ATXN2: variants seen among roughly 807,000 people sequenced by gnomAD.
ATXN2 encodes the protein ataxin-2.
In ATXN2, 37 loss-of-function variants were observed where a neutral mutation model predicts 138.6. The observed-to-expected ratio is 0.27, with a 90% CI of 0.21 to 0.35. ATXN2 has a LOEUF of 0.35. ATXN2 is among the 10% of genes least tolerant of loss of function. The pLI is 1.00. For missense variants in ATXN2, 1,216 were observed against 1,480.3 expected (o/e 0.82, Z 2.93); for synonymous variants, 549 against 543.7 (o/e 1.01, Z -0.13).
intron 5 of ATXN2, among the ~76,000 whole-genome samples, chr12:111,530,400 G>A (rs2135753809): frequency 6.6e-6 from 1 of 152,306 alleles, no homozygotes; most frequent in East Asian, 1.9e-4. Context: ...AAAAGGCTCT[G>A]GGCTTTCTAA....
intron 1 of ATXN2, among the ~76,000 whole-genome samples, chr12:111,567,304 A>C (rs1364866403): frequency 6.6e-6 from 1 of 151,860 alleles, no homozygotes; most frequent in Non-Finnish European, 1.5e-5. Context: ...GTTCAAGACC[A>C]GCCTCACCAA....
At chr12:111,507,164 A>C (rs1592843894) in intron 14 of ATXN2, among the ~76,000 whole-genome samples, 5 of 117,518 alleles carry the variant, frequency 4.3e-5, no homozygotes, top group South Asian at 3.0e-4. Flanking sequence ...CCGGCTGCCC[A>C]GTCTGGGAAG....
chr12:111,507,682 G>A (rs1003205605), intron 14 of ATXN2, among the ~76,000 whole-genome samples: 6 of 152,248 alleles, frequency 3.9e-5, no homozygotes, highest in Non-Finnish European at 8.8e-5. Context: ...TATTGAGAAC[G>A]GGCCATGATG....
chr12:111,452,682 G>A lies in ATXN2; in HGVS notation c.*130C>T. 2 of 1,066,062 alleles carry A rather than the reference G, an allele frequency of 1.9e-6. No homozygotes were observed. The highest frequency in any genetic ancestry group is 2.7e-5 in the South Asian group (2 of 75,268). The allele number at this position is 1,066,062 out of a possible 1,614,324, so 66.0% of individuals were successfully genotyped here. A position where few individuals can be genotyped will look rare whatever the true frequency, so the allele number is the denominator to read the frequency against. ...AAGTGAACTGTTAGCATTCCTATTGGATGTTACAAGAAATCAACATATATA... is the reference window on the plus strand; with the variant it reads ...AAGTGAACTGTTAGCATTCCTATTGAATGTTACAAGAAATCAACATATATA... On this transcript the variant is annotated 3_prime_UTR_variant, in exon 25 of 25. Coordinates refer to ENST00000673436, the MANE Select transcript of ATXN2 (RefSeq NM_001372574.1).
chr12:111,598,978 T>TGCTGCTGCTGC lies in ATXN2; in HGVS notation c.56_57insGCAGCAGCAGC (p.Gln23HisfsTer27), dbSNP rs757873033. 42 of 1,292,990 alleles carry TGCTGCTGCTGC rather than the reference T, an allele frequency of 3.2e-5. No individual in the cohort carries two copies. In the African/African-American group the frequency reaches 5.3e-4, roughly 16 times the overall value. The allele number at this position is 1,292,990 out of a possible 1,614,324, so 80.1% of individuals were successfully genotyped here. A position where few individuals can be genotyped will look rare whatever the true frequency, so the allele number is the denominator to read the frequency against. ...GCTGCTGCTGCTGCTGCTGCTGCTG[T>TGCTGCTGCTGC]TGCTGCTGCTGCTGCTGCTGCTGCT... On this transcript the variant is annotated frameshift_variant, in exon 1 of 25. Coordinates refer to ENST00000673436, the MANE Select transcript of ATXN2 (RefSeq NM_001372574.1). LOFTEE classifies it high-confidence loss of function. The surrounding 1 kb of genome is among the most constrained non-coding windows in gnomAD (Gnocchi z 4.5).
chr12:111,595,186 G>A (rs943012413), intron 1 of ATXN2, among the ~76,000 whole-genome samples: 1 of 152,058 alleles, frequency 6.6e-6, no homozygotes, highest in African/African-American at 2.4e-5. Context: ...GCTAGCAAGA[G>A]CCATAAAAAT....
chr12:111,485,801 C>A lies in ATXN2; in HGVS notation c.2369G>T (p.Gly790Val). 1 of 1,614,092 alleles carries A rather than the reference C, an allele frequency of 6.2e-7. No homozygotes were observed. Among genetic ancestry groups the A allele is most frequent in the Non-Finnish European group, 8.5e-7 (1 of 1,180,010 alleles). The part of the protein sequence containing the change: ...PQAQPSPSMV[G>V]HQQPTPVYTQ... ...ATAAACTGGAGTTGGCTGTTGATGA[C>A]CCACCATAGATGGGCTAGGTTGTGC... The change falls in exon 17 of 25, where the codon GGT becomes GTT. Residue 790 changes from glycine (G) to valine (V), a missense_variant. Physicochemically the swap from Gly to Val is moderately radical, Grantham distance 109 (BLOSUM62 -3). Transcript: ENST00000673436.
At chr12:111,503,880 G>A (rs967813257) in intron 14 of ATXN2, among the ~76,000 whole-genome samples, 4 of 152,046 alleles carry the variant, frequency 2.6e-5, no homozygotes, top group Non-Finnish European at 5.9e-5. Context: ...ATCAGCCACC[G>A]TGCCCGGCCC....
At chr12:111,576,829 G>A (rs1385392571) in intron 1 of ATXN2, among the ~76,000 whole-genome samples, 2 of 151,534 alleles carry the variant, frequency 1.3e-5, no homozygotes, top group Non-Finnish European at 2.9e-5. Context: ...ATGGTGGCGG[G>A]CTCCTGTAGT....
chr12:111,578,858 T>C (rs1005787586), intron 1 of ATXN2, among the ~76,000 whole-genome samples: 2 of 151,926 alleles, frequency 1.3e-5, no homozygotes, highest in Admixed American at 6.6e-5. Flanking sequence ...CAGGGCAACA[T>C]AGTGAGACCT....
At chr12:111,464,978 A>T (rs1875887143) in intron 20 of ATXN2, among the ~76,000 whole-genome samples, 5 of 152,216 alleles carry the variant, frequency 3.3e-5, no homozygotes, top group Admixed American at 3.3e-4. Context: ...TCTAATAAAA[A>T]CACCAACATG....
intron 1 of ATXN2, chr12:111,564,759 T>C: frequency 6.6e-6 from 1 of 152,228 alleles, no homozygotes; most frequent in Non-Finnish European, 1.5e-5. Flanking sequence ...CCCTGTCTTT[T>C]AAAAACTGAA....
chr12:111,590,059 C>G (rs749210025), intron 1 of ATXN2, among the ~76,000 whole-genome samples: 10 of 148,168 alleles, frequency 6.7e-5, no homozygotes, highest in African/African-American at 9.9e-5. Context: ...AAAAAAAATA[C>G]AAAAATTTGC....
At chr12:111,481,174 G>T (rs528149285) in intron 18 of ATXN2, among the ~76,000 whole-genome samples, 1 of 152,260 alleles carries the variant, frequency 6.6e-6, no homozygotes, top group South Asian at 2.1e-4. Context: ...GCCGAGCGCG[G>T]TGGTGCACGC....
rs959441718 is a variant in ATXN2, at chr12:111,461,147, G to C, written c.2896+3515C>G. 2.6e-5 allele frequency: 4 copies of C among 152,282 alleles called. No homozygotes were observed. The East Asian group carries it at 7.7e-4, about 29-fold the overall frequency. The allele number at this position is 152,282 out of a possible 1,614,324, so 9.4% of individuals were successfully genotyped here. On this transcript the variant is annotated intron_variant, in intron 21 of 24. Transcript: ENST00000673436. ...AGATCTGAAAGAAGTACCTTAATCAGGAATTCTTTTCCTCCTTGAATTTGA... is the reference window on the plus strand; with the variant it reads ...AGATCTGAAAGAAGTACCTTAATCACGAATTCTTTTCCTCCTTGAATTTGA...
chr12:111,506,874 C>T (rs1227940393), intron 14 of ATXN2, among the ~76,000 whole-genome samples: 1 of 151,964 alleles, frequency 6.6e-6, no homozygotes, highest in Non-Finnish European at 1.5e-5. Flanking sequence ...CTGTGTTGGC[C>T]GGGCTGGTCT....
chr12:111,455,225 G>A (rs1055312120), intron 23 of ATXN2: 8 of 675,786 alleles, frequency 1.2e-5, no homozygotes, highest in Middle Eastern at 2.4e-4. Flanking sequence ...CAATTCACCC[G>A]TAACAGCCCC....
chr12:111,510,577 T>C lies in ATXN2; in HGVS notation c.1564A>G (p.Arg522Gly), dbSNP rs376585617. 1 of 1,605,136 alleles carries C rather than the reference T, an allele frequency of 6.2e-7. No homozygotes were observed. The highest frequency in any genetic ancestry group is 8.5e-7 in the Non-Finnish European group (1 of 1,174,310). Residue 522 changes from arginine to glycine, a missense_variant, in exon 12 of 25, where the codon AGA becomes GGA. Physicochemically the swap from Arg to Gly is moderately radical, Grantham distance 125. Transcript: ENST00000673436. ...GGTCTATGAGTTTTAGGGGATAATC[T>C]TGGAACTAGAAGAAAGGGAAAATGT... ...TWSSVVSGVP[R>G]LSPKTHRPRS...
At chr12:111,525,440 TTTAAC>T (rs1880431514) in intron 5 of ATXN2, 124 bp from the exon 6 acceptor site, 1 of 1,161,084 alleles carries the variant, frequency 8.6e-7, no homozygotes, top group Non-Finnish European at 1.2e-6. Flanking sequence ...CACATAATTG[TTTAAC>T]TTAAAATCTA....
Sources: gnomAD v4.1 joint callset for allele counts (sites outside exome capture counted in the v4.1 genomes callset) on GRCh38, gnomAD v4.1.1 for gene constraint, Gnocchi (gnomAD v3.1) non-coding constraint, MANE v1.5 for transcripts, NCBI Gene and HGNC (gene_info 2026-07-23, HGNC 2026-07-21) for gene names.